BCKDHB: variants seen among roughly 807,000 people sequenced by gnomAD.
BCKDHB encodes the protein branched chain keto acid dehydrogenase E1 subunit beta.
BCKDHB carries 41 observed loss-of-function variants against 48.5 expected under a neutral mutation model. That is an observed-to-expected ratio of 0.85 (90% CI 0.66 to 1.10). The LOEUF (loss-of-function observed/expected upper bound fraction) is 1.10, where lower values mean the gene tolerates loss of function less well. Among genes scored for constraint, BCKDHB ranks in the 50% least tolerant of loss-of-function variants. The pLI, the probability that BCKDHB is intolerant of heterozygous loss-of-function variation, is 0.00. For synonymous variants in BCKDHB, 201 were observed against 174.8 expected, an observed-to-expected ratio of 1.15 and a Z score of -1.18; for missense variants, 496 against 494.2, an observed-to-expected ratio of 1.00 and a Z score of -0.03.
At chr6:80,107,415 T>TTGTGTG (rs1410915449) in intron 1 of BCKDHB, among the ~76,000 whole-genome samples, 31 of 91,850 alleles carry the variant, frequency 3.4e-4, no homozygotes, top group East Asian at 1.2e-3. Context: ...CATACAGAAA[T>TTGTGTG]TGTGTGTATG....
chr6:80,388,506 A>G, the BCKDHB span, among the ~76,000 whole-genome samples: 1 of 152,342 alleles, frequency 6.6e-6, no homozygotes, highest in East Asian at 1.9e-4. Context: ...ACTGCCTATC[A>G]TGAACTGGGT....
chr6:80,437,546 C>A, the BCKDHB span, among the ~76,000 whole-genome samples: 216 of 152,130 alleles, frequency 1.4e-3, 1 homozygote, highest in Middle Eastern at 6.8e-3. Flanking sequence ...TTCATTATTC[C>A]CAAGTTTAGC....
At chr6:80,439,740 T>C in the BCKDHB span, among the ~76,000 whole-genome samples, 83 of 152,290 alleles carry the variant, frequency 5.5e-4, 1 homozygote, top group Middle Eastern at 0.01. Flanking sequence ...ACCAAATGTA[T>C]GCTCTACAGC....
At chr6:80,273,366 T>C (rs1438937233) in intron 9 of BCKDHB, 145 bp downstream of exon 9, 2 of 641,468 alleles carry the variant, frequency 3.1e-6, no homozygotes, top group East Asian at 5.7e-5. Context: ...GATAAGTAAA[T>C]TTTTTTTCAT....
At chr6:80,307,249 T>G (rs1438824852) in intron 9 of BCKDHB, among the ~76,000 whole-genome samples, 1 of 152,166 alleles carries the variant, frequency 6.6e-6, no homozygotes, top group African/African-American at 2.4e-5. Context: ...TAAATATAAA[T>G]CTCAATTCCT....
intron 8 of BCKDHB, among the ~76,000 whole-genome samples, chr6:80,269,849 A>T (rs970452607): frequency 6.6e-6 from 1 of 152,124 alleles, no homozygotes; most frequent in Non-Finnish European, 1.5e-5. Flanking sequence ...ATTGAAACAT[A>T]CTGCATTAAT....
chr6:80,392,286 G>T, the BCKDHB span, among the ~76,000 whole-genome samples: 1 of 152,034 alleles, frequency 6.6e-6, no homozygotes, highest in Admixed American at 6.6e-5. Flanking sequence ...GAGTCACTGC[G>T]CCTGGGCAAG....
the BCKDHB span, among the ~76,000 whole-genome samples, chr6:80,433,302 G>A: frequency 6.6e-6 from 1 of 152,136 alleles, no homozygotes; most frequent in South Asian, 2.1e-4. Context: ...AGGGAGATGG[G>A]GGTTTTATTT....
chr6:80,305,980 G>A (rs1254960735), intron 9 of BCKDHB, among the ~76,000 whole-genome samples: 1 of 152,138 alleles, frequency 6.6e-6, no homozygotes, highest in Non-Finnish European at 1.5e-5. Flanking sequence ...TTGCTGGGTG[G>A]TTAATCTTTC....
At chr6:80,393,995 A>G in the BCKDHB span, among the ~76,000 whole-genome samples, 2 of 152,216 alleles carry the variant, frequency 1.3e-5, no homozygotes, top group Non-Finnish European at 2.9e-5. Context: ...TATAGCTTAC[A>G]ATATTTTTCT....
the BCKDHB span, among the ~76,000 whole-genome samples, chr6:80,392,019 G>A: frequency 1.3e-5 from 2 of 151,980 alleles, no homozygotes; most frequent in East Asian, 3.9e-4. Context: ...TTGAGATGGA[G>A]TCCCACTCTG....
At chr6:80,324,938 G>A (rs1474954815) in intron 9 of BCKDHB, among the ~76,000 whole-genome samples, 1 of 152,176 alleles carries the variant, frequency 6.6e-6, no homozygotes, top group Non-Finnish European at 1.5e-5. Context: ...AAAGTACATA[G>A]GAAGATGGGA....
chr6:80,166,934 C>CT lies in BCKDHB; in HGVS notation c.344-736dup, dbSNP rs373139887. Reference sequence around the variant, plus strand: ...TCATCTCTATTTTTCACACTCCCTCCTTTTTTTTGGTATGCCTTTTTTGTC... The same window carrying CT: ...TCATCTCTATTTTTCACACTCCCTCCTTTTTTTTTGGTATGCCTTTTTTGTC... On this transcript the variant is annotated intron_variant, in intron 3 of 9. Transcript: ENST00000320393. 1.8e-3 allele frequency among the ~76,000 whole-genome samples: 266 copies of CT among 151,816 alleles called. 1 individual carries two copies. Among genetic ancestry groups the CT allele is most frequent in the African/African-American group, 6.0e-3 (250 of 41,438 alleles).
the BCKDHB span, among the ~76,000 whole-genome samples, chr6:80,376,173 G>A: frequency 1.3e-5 from 2 of 152,082 alleles, no homozygotes; most frequent in Admixed American, 6.6e-5. Context: ...TCTGGGTGGG[G>A]CTTGCTGCGG....
intron 8 of BCKDHB, among the ~76,000 whole-genome samples, chr6:80,230,026 G>GTTGTTTT (rs1775847052): frequency 1.6e-5 from 1 of 60,646 alleles, no homozygotes; most frequent in African/African-American, 6.9e-5. Flanking sequence ...TTTTTAGGTT[G>GTTGTTTT]TTTTTTTTTT....
chr6:80,285,216 A>C (rs1233536798), intron 9 of BCKDHB, among the ~76,000 whole-genome samples: 2 of 152,146 alleles, frequency 1.3e-5, no homozygotes, highest in African/African-American at 2.4e-5. Flanking sequence ...TGTGAGTAAT[A>C]TTCCAACATC....
At chr6:80,272,650 T>A (rs1000668488) in intron 8 of BCKDHB, among the ~76,000 whole-genome samples, 1 of 152,172 alleles carries the variant, frequency 6.6e-6, no homozygotes, top group African/African-American at 2.4e-5. Flanking sequence ...TGCAGGGATT[T>A]CTTACTGCCA....
chr6:80,141,193 T>A (rs1391319892), intron 3 of BCKDHB, among the ~76,000 whole-genome samples: 2 of 152,098 alleles, frequency 1.3e-5, no homozygotes, highest in Non-Finnish European at 2.9e-5. Context: ...TTCTTCTCTC[T>A]TTTCTTCTTT....
chr6:80,181,008 A>G (rs1773385817), intron 6 of BCKDHB, among the ~76,000 whole-genome samples: 1 of 152,136 alleles, frequency 6.6e-6, no homozygotes, highest in Non-Finnish European at 1.5e-5. Context: ...TCCTTACCTT[A>G]CCCTTCACCA....
Sources: allele counts gnomAD v4.1 joint callset (sites outside exome capture counted in the v4.1 genomes callset), GRCh38; gene constraint gnomAD v4.1.1; transcripts MANE v1.5; gene names NCBI Gene and HGNC (gene_info 2026-07-23, HGNC 2026-07-21).